Variants in UBAC2 observed in about 807,000 individuals in gnomAD.
UBAC2 encodes the protein ubiquitin-associated domain-containing protein 2.
In UBAC2, 26 loss-of-function variants were observed where a neutral mutation model predicts 44.0. That is an observed-to-expected ratio of 0.59 (90% CI 0.43 to 0.82). The LOEUF (loss-of-function observed/expected upper bound fraction) is 0.82. Ranked by LOEUF, UBAC2 falls within the 40% of genes least tolerant of loss-of-function variation. The pLI, the probability that UBAC2 is intolerant of heterozygous loss-of-function variation, is 0.00. For missense variants in UBAC2, 329 were observed against 419.4 expected (o/e 0.78, Z 1.88); for synonymous variants, 155 against 154.3 (o/e 1.00, Z -0.04).
At chr13:99,233,718 A>G (rs1246924050) in intron 1 of UBAC2, among the ~76,000 whole-genome samples, 1 of 152,206 alleles carries the variant, frequency 6.6e-6, no homozygotes, top group Non-Finnish European at 1.5e-5. Context: ...AAGGCCAGCT[A>G]AGAAATAGAA....
intron 7 of UBAC2, among the ~76,000 whole-genome samples, chr13:99,351,242 A>G (rs2045083076): frequency 6.6e-6 from 1 of 152,186 alleles, no homozygotes; most frequent in Admixed American, 6.5e-5. Flanking sequence ...GGCTCTCAGG[A>G]AGTTTGAGAG....
chr13:99,346,115 C>T (rs1388912404), intron 7 of UBAC2, among the ~76,000 whole-genome samples: 1 of 152,186 alleles, frequency 6.6e-6, no homozygotes. Context: ...CATTGTTTAC[C>T]CGAAAGTCCA....
chr13:99,247,603 G>A (rs182228834), intron 4 of UBAC2, among the ~76,000 whole-genome samples: 3 of 152,236 alleles, frequency 2.0e-5, no homozygotes, highest in Admixed American at 6.5e-5. Flanking sequence ...GGGGCAAGGG[G>A]AGGGAGAGCA....
At chr13:99,368,416 G>C (rs1594177859) in intron 8 of UBAC2, among the ~76,000 whole-genome samples, 1 of 152,184 alleles carries the variant, frequency 6.6e-6, no homozygotes, top group East Asian at 1.9e-4. Flanking sequence ...ATGGATTTCA[G>C]TAACGTTTGT....
In UBAC2 at chr13:99,272,543, G is replaced by A. The variant is rs747659754; in HGVS notation, c.389+27919G>A. ...TTACACAGAAATTTATTTTCTCACAGTTTTGGAGGCTAGAAGTCCAAGATC... is the reference window on the plus strand; with the variant it reads ...TTACACAGAAATTTATTTTCTCACAATTTTGGAGGCTAGAAGTCCAAGATC... On this transcript the variant is annotated intron_variant, in intron 4 of 8. Coordinates refer to ENST00000403766, the MANE Select transcript of UBAC2 (RefSeq NM_001144072.2). Among the ~76,000 whole-genome samples, 92 of 152,140 alleles carry A rather than the reference G, an allele frequency of 6.0e-4. 1 individual carries two copies. Among genetic ancestry groups the A allele is most frequent in the Non-Finnish European group, 1.2e-3 (85 of 68,036 alleles).
chr13:99,237,254 G>GTATA (rs142568689), intron 1 of UBAC2, among the ~76,000 whole-genome samples: 4,873 of 136,266 alleles, frequency 0.036, 128 homozygotes, highest in Admixed American at 0.099. Flanking sequence ...AATTTTATGC[G>GTATA]TATATATATA....
chr13:99,289,451 C>T (rs2044062086), intron 4 of UBAC2, among the ~76,000 whole-genome samples: 1 of 152,100 alleles, frequency 6.6e-6, no homozygotes, highest in African/African-American at 2.4e-5. Flanking sequence ...TGGAGGGAGT[C>T]GAAAGTGTGG....
intron 4 of UBAC2, among the ~76,000 whole-genome samples, chr13:99,271,983 T>G (rs1462524835): frequency 6.6e-6 from 1 of 152,234 alleles, no homozygotes; most frequent in Non-Finnish European, 1.5e-5. Context: ...TAGGACTGTT[T>G]GATCTTTTTG....
rs182588181 is a variant in UBAC2, at chr13:99,372,012, C to T, written c.927+4106C>T. 1.2e-3 allele frequency among the ~76,000 whole-genome samples: 176 copies of T among 152,356 alleles called. 4 individuals are homozygous for T. The East Asian group carries it at 0.022, about 19-fold the overall frequency. ...CGTTTTTTGGTGAGTAAACCCACGG[C>T]ACCTCTGCCAATTCATCACCCCTCA... On this transcript the variant is annotated intron_variant, in intron 8 of 8. Coordinates refer to ENST00000403766, the MANE Select transcript of UBAC2 (RefSeq NM_001144072.2).
intron 1 of UBAC2, among the ~76,000 whole-genome samples, chr13:99,226,047 G>A (rs1343696917): frequency 6.6e-6 from 1 of 152,154 alleles, no homozygotes; most frequent in African/African-American, 2.4e-5. Context: ...TTCATAGCAG[G>A]ACTTCATCCC....
At chr13:99,244,664 T>G (rs1485388401) in intron 4 of UBAC2, 40 bp downstream of exon 4, 5 of 1,207,594 alleles carry the variant, frequency 4.1e-6, no homozygotes, top group Non-Finnish European at 6.1e-6. Flanking sequence ...TAGAACTACT[T>G]GAATCTGATT....
intron 1 of UBAC2, among the ~76,000 whole-genome samples, chr13:99,222,463 G>GGTTGGTATTAGTAGTTACTA (rs1167305546): frequency 1.3e-5 from 2 of 152,158 alleles, no homozygotes; most frequent in Non-Finnish European, 2.9e-5. Flanking sequence ...AATAAATGTT[G>GGTTGGTATTAGTAGTTACTA]GTTGGTATTA....
At chr13:99,251,227 G>A (rs7993146) in intron 4 of UBAC2, among the ~76,000 whole-genome samples, 83,746 of 151,958 alleles carry the variant, frequency 0.55, 25,109 homozygotes, top group Non-Finnish European at 0.69. Context: ...CATTGATTTG[G>A]CATCCCGAAA....
chr13:99,243,004 A>G (rs1415457098), intron 2 of UBAC2, among the ~76,000 whole-genome samples: 1 of 150,926 alleles, frequency 6.6e-6, no homozygotes, highest in Non-Finnish European at 1.5e-5. Context: ...GCGGCCGGGC[A>G]GAGACGCTCC....
At chr13:99,306,403 G>GC (rs2044336069) in intron 4 of UBAC2, among the ~76,000 whole-genome samples, 1 of 151,394 alleles carries the variant, frequency 6.6e-6, no homozygotes, top group African/African-American at 2.5e-5. Flanking sequence ...TAACTTGTGT[G>GC]TGGGGGGGCC....
chr13:99,338,451 G>T (rs545578703), intron 6 of UBAC2, among the ~76,000 whole-genome samples: 12 of 152,300 alleles, frequency 7.9e-5, no homozygotes, highest in Admixed American at 7.8e-4. Flanking sequence ...GGTTGAACAA[G>T]CTTGCTCTAG....
At chr13:99,245,042 C>T (rs930492765) in intron 4 of UBAC2, among the ~76,000 whole-genome samples, 1 of 152,084 alleles carries the variant, frequency 6.6e-6, no homozygotes, top group Non-Finnish European at 1.5e-5. Context: ...CCATGTTGGC[C>T]AGGCTGGTCT....
intron 4 of UBAC2, chr13:99,255,525 A>G: frequency 1.9e-6 from 3 of 1,614,200 alleles, no homozygotes; most frequent in Non-Finnish European, 2.5e-6. Flanking sequence ...ATCTGTCAGC[A>G]CTAATAAAGG....
intron 4 of UBAC2, among the ~76,000 whole-genome samples, chr13:99,283,503 G>A (rs533672163): frequency 6.6e-6 from 1 of 152,058 alleles, no homozygotes; most frequent in Non-Finnish European, 1.5e-5. Context: ...TTTGACATAT[G>A]TTCCTGATTT....
Sources: gnomAD v4.1 joint callset for allele counts (sites outside exome capture counted in the v4.1 genomes callset) on GRCh38, gnomAD v4.1.1 for gene constraint, MANE v1.5 for transcripts, NCBI Gene and HGNC (gene_info 2026-07-23, HGNC 2026-07-21) for gene names.